The following ATP2C2 variants were observed in gnomAD, a reference collection of about 807,000 sequenced individuals.
ATP2C2 encodes the protein ATPase secretory pathway Ca2+ transporting 2.
Under a neutral mutation model 110.8 loss-of-function variants are expected in ATP2C2, and 171 were observed. The observed-to-expected ratio is 1.54, with a 90% CI of 1.36 to 1.75. ATP2C2 has a LOEUF of 1.75. ATP2C2 is among the 40% of genes most tolerant of loss of function. The pLI is 0.00. For synonymous variants in ATP2C2, 804 were observed against 508.4 expected (o/e 1.58, Z -7.82); for missense variants, 1,963 against 1,235.0 (o/e 1.59, Z -8.84).
rs181812727 is a variant in ATP2C2, at chr16:84,461,884, C to T, written c.2580+72C>T. ...TCGACAGCAGCGCCCCGACCCTGCC[C>T]GCAGCATTGAGCGGCTCTGGCTCAG... is the stretch of plus-strand genomic sequence containing the variant. On this transcript the variant is annotated intron_variant, in intron 25 of 26. Transcript: ENST00000262429. 1.2e-4 allele frequency: 199 copies of T among 1,608,296 alleles called. 1 individual carries two copies. The East Asian group carries it at 1.9e-3, about 15-fold the overall frequency.
Position 84,463,863 on chromosome 16 carries a change from T to G in ATP2C2, c.*131T>G. On this transcript the variant is annotated 3_prime_UTR_variant, in exon 27 of 27. Coordinates refer to ENST00000262429, the MANE Select transcript of ATP2C2 (RefSeq NM_014861.4). Reference sequence around the variant, plus strand: ...CCATCACCGGATCAGTTTTTCCTCTTAGGAAAGCTGCAGGAACCTCGTGGG... The same window carrying G: ...CCATCACCGGATCAGTTTTTCCTCTGAGGAAAGCTGCAGGAACCTCGTGGG... The G allele has an allele frequency of 1.2e-6, 1 of 832,768 alleles. No individual in the cohort carries two copies. Among genetic ancestry groups the G allele is most frequent in the Non-Finnish European group, 1.9e-6 (1 of 519,988 alleles). 51.6% of individuals were successfully genotyped at this position (832,768 alleles called of 1,614,324 possible).
intron 1 of ATP2C2, among the ~76,000 whole-genome samples, chr16:84,382,159 C>T (rs12445087): frequency 0.073 from 11,102 of 152,000 alleles, 501 homozygotes; most frequent in Middle Eastern, 0.11. Flanking sequence ...TGACAGGCCC[C>T]GGTGTGTGAT....
rs768792859 is a variant in ATP2C2 at position 84,408,451 on chromosome 16, G to A, written c.374G>A (p.Ser125Asn). ...CTGCTGCTGGGCTCTGCCCTGGTGAGTGTCCTCACCAAGGAGTATGAGGAC... is the reference window on the plus strand; with the variant it reads ...CTGCTGCTGGGCTCTGCCCTGGTGAATGTCCTCACCAAGGAGTATGAGGAC... ...ILLLLGSALV[S>N]VLTKEYEDAV... Residue 125 changes from serine (S) to asparagine (N), a missense_variant, in exon 4 of 27, where the codon AGT becomes AAT. Coordinates refer to ENST00000262429, the MANE Select transcript of ATP2C2 (RefSeq NM_014861.4). 2.5e-6 allele frequency: 4 copies of A among 1,613,772 alleles called. No individual in the cohort carries two copies. The South Asian group carries it at 3.3e-5, about 13-fold the overall frequency.
chr16:84,409,937 C>A (rs965168056), intron 4 of ATP2C2, among the ~76,000 whole-genome samples: 5 of 152,022 alleles, frequency 3.3e-5, no homozygotes, highest in Non-Finnish European at 5.9e-5. Context: ...AGGCCGGGTG[C>A]GGTGGCTCAT....
At chr16:84,392,437 G>C (rs904483668) in intron 1 of ATP2C2, among the ~76,000 whole-genome samples, 1 of 152,066 alleles carries the variant, frequency 6.6e-6, no homozygotes, top group Non-Finnish European at 1.5e-5. Context: ...GGTCTCTGAT[G>C]GTTCTCTGCG....
intron 7 of ATP2C2, among the ~76,000 whole-genome samples, chr16:84,416,628 C>T (rs562549457): frequency 1.3e-5 from 2 of 152,278 alleles, no homozygotes; most frequent in East Asian, 1.9e-4. Context: ...TCCTCTCTGC[C>T]GTGACCTTCA....
intron 15 of ATP2C2, among the ~76,000 whole-genome samples, chr16:84,445,661 C>A (rs247893): frequency 0.29 from 44,151 of 152,148 alleles, 6,864 homozygotes; most frequent in East Asian, 0.38. Flanking sequence ...AATTCAACCC[C>A]ACTAAGGAGA....
At chr16:84,408,731 G>A (rs111802782) in intron 4 of ATP2C2, among the ~76,000 whole-genome samples, 1 of 152,116 alleles carries the variant, frequency 6.6e-6, no homozygotes, top group African/African-American at 2.4e-5. Flanking sequence ...CTTTGCTAGA[G>A]CAGTGTTGCA....
At chr16:84,419,671 C>T (rs1907154959) in intron 7 of ATP2C2, among the ~76,000 whole-genome samples, 1 of 152,054 alleles carries the variant, frequency 6.6e-6, no homozygotes, top group African/African-American at 2.4e-5. Flanking sequence ...ACCCCACTCC[C>T]CATCCACATC....
intron 18 of ATP2C2, 151 bp from the exon 19 acceptor site, chr16:84,452,987 T>C (rs945392195): frequency 1.4e-6 from 1 of 726,812 alleles, no homozygotes; most frequent in African/African-American, 1.8e-5. Flanking sequence ...ATCCTGTGGA[T>C]AGAACCGAGG....
chr16:84,461,819 C>T lies in ATP2C2; in HGVS notation c.2580+7C>T, dbSNP rs745845017. On this transcript the variant is annotated splice_region_variant and intron_variant, in intron 25 of 26. Transcript: ENST00000262429. The stretch of plus-strand genomic sequence containing the variant: ...CTTGACCTGCCGCTCTCAGGTGAGA[C>T]CCGGGCTGACCCTCCTCGCTGCAGA... 2 of 1,612,458 alleles carry T rather than the reference C, an allele frequency of 1.2e-6. No individual in the cohort carries two copies. Among genetic ancestry groups the T allele is most frequent in the East Asian group, 2.2e-5 (1 of 44,886 alleles).
chr16:84,462,443 G>C (rs1245371140), intron 26 of ATP2C2: 1 of 291,212 alleles, frequency 3.4e-6, no homozygotes, highest in African/African-American at 2.1e-5. Context: ...AGGGAGCAAG[G>C]CCTGTACTCA....
intron 1 of ATP2C2, among the ~76,000 whole-genome samples, chr16:84,371,226 A>C (rs950290809): frequency 2.0e-5 from 3 of 152,200 alleles, no homozygotes; most frequent in Admixed American, 1.3e-4. Flanking sequence ...ATGGAAAGAA[A>C]GGTGTTTGAG....
chr16:84,438,003 C>T (rs750987606), intron 11 of ATP2C2, among the ~76,000 whole-genome samples: 3 of 152,218 alleles, frequency 2.0e-5, no homozygotes, highest in African/African-American at 7.2e-5. Context: ...CTGGCTTCTT[C>T]CACTCAGCAG....
intron 7 of ATP2C2, among the ~76,000 whole-genome samples, chr16:84,417,900 C>T (rs986379245): frequency 5.3e-5 from 8 of 152,318 alleles, no homozygotes; most frequent in African/African-American, 1.9e-4. Flanking sequence ...TCCAGGAGTA[C>T]TTCAAGTGTA....
rs573280539 is a variant in ATP2C2, at chr16:84,373,783, C to G, written c.99+5069C>G. Among the ~76,000 whole-genome samples the G allele has an allele frequency of 7.2e-5, 11 of 152,318 alleles. No homozygotes were observed. The South Asian group carries it at 2.3e-3, about 32-fold the overall frequency. ...AGAACCACATCTGACATGTCATCTG[C>G]TCACTACTTATCTAGTTTTGTTAGT... On this transcript the variant is annotated intron_variant, in intron 1 of 26. Transcript: ENST00000262429.
At chr16:84,447,912 T>C (rs1909909111) in intron 16 of ATP2C2, among the ~76,000 whole-genome samples, 1 of 149,770 alleles carries the variant, frequency 6.7e-6, no homozygotes. Flanking sequence ...AATATTATAT[T>C]ATCTTATAAC....
At chr16:84,429,303 C>A (rs1908057536) in intron 11 of ATP2C2, among the ~76,000 whole-genome samples, 2 of 152,234 alleles carry the variant, frequency 1.3e-5, no homozygotes, top group South Asian at 4.1e-4. Context: ...AGGGGCGCAC[C>A]ACCACACCCA....
intron 1 of ATP2C2, among the ~76,000 whole-genome samples, chr16:84,396,715 A>T (rs1296081887): frequency 6.6e-6 from 1 of 151,880 alleles, no homozygotes; most frequent in Non-Finnish European, 1.5e-5. Context: ...CGACGGGAGC[A>T]GATCTTGAGA....
Sources: allele counts gnomAD v4.1 joint callset (sites outside exome capture counted in the v4.1 genomes callset), GRCh38; gene constraint gnomAD v4.1.1; transcripts MANE v1.5; gene names NCBI Gene and HGNC (gene_info 2026-07-23, HGNC 2026-07-21).